The following EFHB variants were observed in gnomAD, a reference collection of about 807,000 sequenced individuals.
EFHB encodes the protein EF-hand domain-containing family member B.
A neutral mutation model predicts 87.2 loss-of-function variants in EFHB; 91 were observed. That is an observed-to-expected ratio of 1.04 (90% CI 0.88 to 1.24). EFHB has a LOEUF of 1.24. Among genes scored for constraint, EFHB ranks in the 50% most tolerant of loss-of-function variants. EFHB has a pLI of 0.00. For synonymous variants in EFHB, 325 were observed against 333.6 expected, an observed-to-expected ratio of 0.97 and a Z score of 0.28; for missense variants, 1,084 against 998.8, an observed-to-expected ratio of 1.09 and a Z score of -1.15.
intron 9 of EFHB, among the ~76,000 whole-genome samples, chr3:19,893,383 G>A (rs1694370987): frequency 6.6e-6 from 1 of 152,174 alleles, no homozygotes; most frequent in African/African-American, 2.4e-5. Context: ...GGTGAAAATA[G>A]GAGGTAAATG....
At chr3:19,936,429 T>C (rs1575055405), upstream of EFHB, 1 of 517,204 alleles carries the variant, frequency 1.9e-6, no homozygotes, top group East Asian at 3.1e-5. Flanking sequence ...CCAGGTGTAG[T>C]GGTACATGCC....
intron 4 of EFHB, among the ~76,000 whole-genome samples, chr3:19,916,397 C>T (rs1372147928): frequency 6.6e-6 from 1 of 152,042 alleles, no homozygotes; most frequent in African/African-American, 2.4e-5. Flanking sequence ...CGCCTGTAAT[C>T]CCAGCTACTC....
chr3:19,896,454 G>A, intron 9 of EFHB: 1 of 598,512 alleles, frequency 1.7e-6, no homozygotes, highest in Non-Finnish European at 3.0e-6. Flanking sequence ...GGTTTTGAAG[G>A]CCATACAGTT....
chr3:19,898,049 G>A (rs1300874992), intron 8 of EFHB, among the ~76,000 whole-genome samples: 2 of 152,186 alleles, frequency 1.3e-5, no homozygotes, highest in Non-Finnish European at 2.9e-5. Flanking sequence ...TTTTAATGCA[G>A]GTAGTCTGCA....
Position 19,899,442 on chromosome 3 carries a change from C to T in EFHB, c.1492G>A (p.Val498Ile), listed in dbSNP as rs1301991359. 6.3e-7 allele frequency: 1 copy of T among 1,598,656 alleles called. No homozygotes were observed. The highest frequency in any genetic ancestry group is 1.1e-5 in the South Asian group (1 of 87,070). ...KEKFQHKLGR[V>I]LDPIAETMNV... ...TAATCATTAACTTACGGATCTAAAA[C>T]TCTTCCAAGTTTATGTTGAAACTTT... The change falls in exon 7 of 13, where the codon GTT becomes ATT. Residue 498 changes from valine (V) to isoleucine (I), a missense_variant. Physicochemically the swap from Val to Ile is conservative, Grantham distance 29. Transcript: ENST00000295824.
intron 9 of EFHB, among the ~76,000 whole-genome samples, chr3:19,891,204 CT>C (rs1559448169): frequency 6.6e-6 from 1 of 152,024 alleles, no homozygotes; most frequent in Non-Finnish European, 1.5e-5. Flanking sequence ...GTAGCTGGCA[CT>C]ACCACTCCTG....
chr3:19,945,600 G>A (rs980736461), intron 1 of EFHB, among the ~76,000 whole-genome samples: 1 of 152,096 alleles, frequency 6.6e-6, no homozygotes, highest in Non-Finnish European at 1.5e-5. Context: ...AATAGGTTTC[G>A]TTTTGGGCAT....
At chr3:19,897,072 A>G (rs1258225901) in intron 8 of EFHB, among the ~76,000 whole-genome samples, 1 of 152,198 alleles carries the variant, frequency 6.6e-6, no homozygotes, top group African/African-American at 2.4e-5. Context: ...AAGAAAATCT[A>G]AAAGAATGAA....
chr3:19,911,775 C>T (rs1482606147), intron 5 of EFHB, among the ~76,000 whole-genome samples: 2 of 151,632 alleles, frequency 1.3e-5, no homozygotes, highest in Non-Finnish European at 2.9e-5. Flanking sequence ...TGAAGTACAA[C>T]TAAAAGATAC....
chr3:19,902,902 C>A (rs899801462), intron 6 of EFHB, among the ~76,000 whole-genome samples: 5 of 151,966 alleles, frequency 3.3e-5, no homozygotes, highest in Non-Finnish European at 5.9e-5. Context: ...AAGGGCTGGG[C>A]ACAGTGGCTC....
At chr3:19,885,311 A>G (rs1694062937) in intron 10 of EFHB, among the ~76,000 whole-genome samples, 1 of 152,172 alleles carries the variant, frequency 6.6e-6, no homozygotes, top group Non-Finnish European at 1.5e-5. Context: ...AAGACAAGAC[A>G]TGCTTGTAGT....
intron 6 of EFHB, among the ~76,000 whole-genome samples, chr3:19,904,321 A>G (rs951306641): frequency 6.6e-6 from 1 of 152,204 alleles, no homozygotes; most frequent in Non-Finnish European, 1.5e-5. Flanking sequence ...AAGTGTCAGT[A>G]AGGCCACATT....
chr3:19,891,052 A>G (rs1694289221), intron 9 of EFHB, among the ~76,000 whole-genome samples: 2 of 148,098 alleles, frequency 1.4e-5, no homozygotes, highest in African/African-American at 5.2e-5. Flanking sequence ...AAAGAGTAGC[A>G]ATATTTTTGT....
At chr3:19,909,473 G>A (rs1449207596) in intron 5 of EFHB, among the ~76,000 whole-genome samples, 1 of 152,190 alleles carries the variant, frequency 6.6e-6, no homozygotes, top group Non-Finnish European at 1.5e-5. Context: ...AAGTAACCTT[G>A]AAAGGCAGTC....
intron 6 of EFHB, among the ~76,000 whole-genome samples, chr3:19,902,281 G>C (rs1228442707): frequency 1.3e-5 from 2 of 152,094 alleles, no homozygotes; most frequent in Non-Finnish European, 2.9e-5. Context: ...AGTTTGATTT[G>C]ACTTTGGTTT....
At chr3:19,945,815 C>G (rs1226497932) in intron 1 of EFHB, 1 of 152,172 alleles carries the variant, frequency 6.6e-6, no homozygotes, top group East Asian at 1.9e-4. Flanking sequence ...AAGTTCAAAT[C>G]ATCTTAATTG....
At chr3:19,925,005 G>T (rs1472197621) in intron 1 of EFHB, among the ~76,000 whole-genome samples, 1 of 152,102 alleles carries the variant, frequency 6.6e-6, no homozygotes, top group African/African-American at 2.4e-5. Flanking sequence ...CAGCACTTTG[G>T]GAAGCCGAGG....
chr3:19,915,202 C>T, intron 5 of EFHB, 101 bp downstream of exon 5: 2 of 680,956 alleles, frequency 2.9e-6, no homozygotes, highest in East Asian at 2.7e-5. Flanking sequence ...TTACCTATTA[C>T]ATGGCAGGCA....
intron 4 of EFHB, among the ~76,000 whole-genome samples, chr3:19,915,658 G>A (rs1031834807): frequency 1.3e-5 from 2 of 151,890 alleles, no homozygotes; most frequent in South Asian, 2.1e-4. Flanking sequence ...AATGGCTCAC[G>A]TGTGTAATCT....
Sources: gnomAD v4.1 joint callset for allele counts (sites outside exome capture counted in the v4.1 genomes callset) on GRCh38, gnomAD v4.1.1 for gene constraint, MANE v1.5 for transcripts, NCBI Gene and HGNC (gene_info 2026-07-23, HGNC 2026-07-21) for gene names.